The following PDE1A variants were observed in gnomAD, a reference collection of about 807,000 sequenced individuals.
PDE1A encodes the protein dual specificity calcium/calmodulin-dependent 3',5'-cyclic nucleotide phosphodiesterase 1A.
In PDE1A, 35 loss-of-function variants were observed where a neutral mutation model predicts 61.7. The observed-to-expected ratio is 0.57, with a 90% CI of 0.43 to 0.75. The LOEUF (loss-of-function observed/expected upper bound fraction) is 0.75. PDE1A is among the 30% of genes least tolerant of loss of function. The pLI, the probability that PDE1A is intolerant of heterozygous loss-of-function variation, is 0.00. For missense variants in PDE1A, 597 were observed against 630.6 expected (o/e 0.95, Z 0.57); for synonymous variants, 232 against 213.2 (o/e 1.09, Z -0.77).
chr2:182,576,928 G>A, the PDE1A span, among the ~76,000 whole-genome samples: 1 of 151,904 alleles, frequency 6.6e-6, no homozygotes, highest in Non-Finnish European at 1.5e-5. Context: ...ATTTTTATTT[G>A]GTTGTTTGCT....
At chr2:182,388,981 T>C (rs549451716) in intron 1 of PDE1A, among the ~76,000 whole-genome samples, 89 of 152,142 alleles carry the variant, frequency 5.8e-4, no homozygotes, top group African/African-American at 2.1e-3. Flanking sequence ...AGACATACAA[T>C]GCATCATGAG....
At chr2:182,267,473 T>C (rs1692719548) in intron 1 of PDE1A, among the ~76,000 whole-genome samples, 1 of 150,074 alleles carries the variant, frequency 6.7e-6, no homozygotes, top group African/African-American at 2.4e-5. Context: ...ATATTCACTA[T>C]GCCAACCCCA....
the PDE1A span, among the ~76,000 whole-genome samples, chr2:182,633,764 A>G: frequency 1.3e-5 from 2 of 152,078 alleles, no homozygotes; most frequent in African/African-American, 4.8e-5. Flanking sequence ...CTATCTCACA[A>G]CACGTAAGTC....
chr2:182,234,732 G>A (rs1449503111), intron 3 of PDE1A, among the ~76,000 whole-genome samples: 1 of 152,064 alleles, frequency 6.6e-6, no homozygotes, highest in African/African-American at 2.4e-5. Context: ...TGTGACTTTA[G>A]TTTCCATGTA....
chr2:182,303,711 A>G (rs572941616), intron 1 of PDE1A, among the ~76,000 whole-genome samples: 1 of 152,322 alleles, frequency 6.6e-6, no homozygotes, highest in Admixed American at 6.5e-5. Context: ...CTATTTAGCA[A>G]TGAAAGTACT....
chr2:182,510,801 T>C (rs1044827847), intron 2 of PDE1A, among the ~76,000 whole-genome samples: 1 of 152,186 alleles, frequency 6.6e-6, no homozygotes, highest in African/African-American at 2.4e-5. Flanking sequence ...AGCCCACTTC[T>C]CCTCAGCTCT....
chr2:182,197,411 C>T (rs540766955), intron 10 of PDE1A, among the ~76,000 whole-genome samples: 3 of 149,716 alleles, frequency 2.0e-5, no homozygotes, highest in South Asian at 4.3e-4. Context: ...TGCTTTTTTC[C>T]ACTTCATTTT....
At chr2:182,425,666 G>T (rs1362497748) in intron 1 of PDE1A, among the ~76,000 whole-genome samples, 8 of 152,206 alleles carry the variant, frequency 5.3e-5, no homozygotes, top group Non-Finnish European at 2.9e-5. Context: ...AAACCACAGA[G>T]AAATTTTGCT....
exon 14 of PDE1A, chr2:182,168,189 C>G (rs554524721): frequency 6.4e-7 from 1 of 1,551,824 alleles, no homozygotes; most frequent in East Asian, 2.3e-5. Context: ...ATCAAAATCT[C>G]CAAGTCTTTT....
At chr2:182,570,041 A>G in the PDE1A span, among the ~76,000 whole-genome samples, 1 of 152,212 alleles carries the variant, frequency 6.6e-6, no homozygotes, top group Admixed American at 6.5e-5. Flanking sequence ...TCTGAGCTTC[A>G]TAAAATCAGA....
chr2:182,638,192 A>G, the PDE1A span, among the ~76,000 whole-genome samples: 1 of 152,188 alleles, frequency 6.6e-6, no homozygotes, highest in Non-Finnish European at 1.5e-5. Context: ...GGGATTGCTC[A>G]TGCATTTATT....
intron 13 of PDE1A, among the ~76,000 whole-genome samples, chr2:182,182,799 C>T (rs1269473722): frequency 6.6e-6 from 1 of 151,474 alleles, no homozygotes; most frequent in African/African-American, 2.4e-5. Context: ...TTGTTAACAC[C>T]CACCCTCCCA....
chr2:182,251,418 G>A (rs1314261574), intron 2 of PDE1A, among the ~76,000 whole-genome samples: 1 of 151,588 alleles, frequency 6.6e-6, no homozygotes, highest in East Asian at 1.9e-4. Flanking sequence ...TTTTGTGTAT[G>A]GTCTCATTGT....
At chr2:182,204,457 C>A (rs1317233062) in intron 8 of PDE1A, among the ~76,000 whole-genome samples, 1 of 152,162 alleles carries the variant, frequency 6.6e-6, no homozygotes, top group African/African-American at 2.4e-5. Flanking sequence ...CCCTCTGTCA[C>A]ACCTGAGAAG....
At chr2:182,429,274 T>C (rs1382085174), upstream of PDE1A, among the ~76,000 whole-genome samples, 1 of 152,062 alleles carries the variant, frequency 6.6e-6, no homozygotes. Context: ...AAAGTTGGCT[T>C]TATCACCTTA....
chr2:182,566,026 G>T, the PDE1A span, among the ~76,000 whole-genome samples: 1 of 152,102 alleles, frequency 6.6e-6, no homozygotes, highest in Admixed American at 6.6e-5. Flanking sequence ...GTGAGTTCAG[G>T]GAGTCTCAGA....
At chr2:182,395,953 T>G (rs754699268) in intron 1 of PDE1A, among the ~76,000 whole-genome samples, 1 of 152,200 alleles carries the variant, frequency 6.6e-6, no homozygotes. Flanking sequence ...ACTTGGTGCT[T>G]TCTTACCCAT....
At chr2:182,420,971 T>C (rs908251515) in intron 1 of PDE1A, among the ~76,000 whole-genome samples, 3 of 152,160 alleles carry the variant, frequency 2.0e-5, no homozygotes, top group African/African-American at 7.2e-5. Context: ...CTACATTATG[T>C]CCAGTCACAG....
At chr2:182,511,241 G>A (rs1318482992) in intron 2 of PDE1A, among the ~76,000 whole-genome samples, 1 of 151,896 alleles carries the variant, frequency 6.6e-6, no homozygotes, top group African/African-American at 2.4e-5. Flanking sequence ...CTCTCACCAA[G>A]AGACCAGACC....
Sources: allele counts gnomAD v4.1 joint callset (sites outside exome capture counted in the v4.1 genomes callset), GRCh38; gene constraint gnomAD v4.1.1; transcripts MANE v1.5; gene names NCBI Gene and HGNC (gene_info 2026-07-23, HGNC 2026-07-21).